TEK: variants seen among roughly 807,000 people sequenced by gnomAD.
TEK encodes TEK receptor tyrosine kinase.
A neutral mutation model predicts 131.8 loss-of-function variants in TEK; 43 were observed. The observed-to-expected ratio is 0.33, with a 90% CI of 0.26 to 0.42. TEK has a LOEUF of 0.42. Ranked by LOEUF, TEK falls within the 10% of genes least tolerant of loss-of-function variation. The pLI, the probability that TEK is intolerant of heterozygous loss-of-function variation, is 1.00. For missense variants in TEK, 1,162 were observed against 1,384.4 expected, an observed-to-expected ratio of 0.84 and a Z score of 2.55; for synonymous variants, 580 against 491.6, an observed-to-expected ratio of 1.18 and a Z score of -2.38.
intron 7 of TEK, 152 bp downstream of exon 7, chr9:27,180,520 C>A: frequency 8.4e-7 from 1 of 1,191,500 alleles, no homozygotes; most frequent in Non-Finnish European, 1.2e-6. Context: ...TCCTAAAGCA[C>A]AGCATTTTAA....
At chr9:27,134,577 G>C (rs1434239050) in intron 1 of TEK, among the ~76,000 whole-genome samples, 1 of 152,054 alleles carries the variant, frequency 6.6e-6, no homozygotes, top group African/African-American at 2.4e-5. Flanking sequence ...GAAGCCTAGG[G>C]CTCTTGCTGA....
In TEK at chr9:27,229,347, T is replaced by A. The variant is rs1020796481; in HGVS notation, c.*115T>A. ...GTGATATATAAGTGTACATATGTGC[T>A]GTACACCTGGGACCTTCACCACTGT... On this transcript the variant is annotated 3_prime_UTR_variant, in exon 23 of 23. Transcript: ENST00000380036. 1 of 1,014,366 alleles carries A rather than the reference T, an allele frequency of 9.9e-7. No individual in the cohort carries two copies. Among genetic ancestry groups the A allele is most frequent in the African/African-American group, 1.6e-5 (1 of 63,318 alleles). The allele number at this position is 1,014,366 out of a possible 1,614,324, so 62.8% of individuals were successfully genotyped here.
intron 1 of TEK, among the ~76,000 whole-genome samples, chr9:27,136,621 G>GT (rs1822453707): frequency 6.6e-6 from 1 of 152,148 alleles, no homozygotes; most frequent in Non-Finnish European, 1.5e-5. Context: ...ACATACATTT[G>GT]TGAGTATTGT....
chr9:27,212,132 C>T (rs941073408), intron 16 of TEK, among the ~76,000 whole-genome samples: 6 of 152,012 alleles, frequency 3.9e-5, no homozygotes, highest in Non-Finnish European at 7.4e-5. Flanking sequence ...ATCTTTGAAA[C>T]TAACCTCTGG....
intron 8 of TEK, among the ~76,000 whole-genome samples, chr9:27,184,909 A>T (rs1824539995): frequency 6.6e-6 from 1 of 152,098 alleles, no homozygotes; most frequent in South Asian, 2.1e-4. Flanking sequence ...ACATGGTGGC[A>T]TATACCTGTA....
chr9:27,175,279 T>C (rs1824122317), intron 6 of TEK, among the ~76,000 whole-genome samples: 1 of 151,186 alleles, frequency 6.6e-6, no homozygotes, highest in Non-Finnish European at 1.5e-5. Context: ...AGAATGATGA[T>C]TTCCAATTTC....
In TEK at chr9:27,228,156, G is replaced by A. The variant is rs146116609; in HGVS notation, c.3201-50G>A. ...CTCCTCTCTTTTCCTGCCGTGCCTA[G>A]GACTGAAGCACAGTTATAGAATTAA... On this transcript the variant is annotated intron_variant, in intron 21 of 22. Coordinates refer to ENST00000380036, the MANE Select transcript of TEK (RefSeq NM_000459.5). 3,532 of 1,483,558 alleles carry A rather than the reference G, an allele frequency of 2.4e-3. 4 individuals are homozygous for A. Among genetic ancestry groups the A allele is most frequent in the Non-Finnish European group, 3.1e-3 (3,285 of 1,063,926 alleles). The allele number at this position is 1,483,558 out of a possible 1,614,324, so 91.9% of individuals were successfully genotyped here.
At chr9:27,155,065 C>T (rs547717398) in intron 1 of TEK, among the ~76,000 whole-genome samples, 50 of 152,316 alleles carry the variant, frequency 3.3e-4, no homozygotes, top group Non-Finnish European at 3.1e-4. Context: ...TTGACTGGCC[C>T]TAGAAATGGG....
chr9:27,166,912 A>G (rs1272455309), intron 2 of TEK, among the ~76,000 whole-genome samples: 5 of 151,852 alleles, frequency 3.3e-5, no homozygotes, highest in African/African-American at 1.2e-4. Flanking sequence ...TTCTCATTTT[A>G]TGTCTTTTGT....
intron 14 of TEK, among the ~76,000 whole-genome samples, chr9:27,205,285 C>T (rs1190580570): frequency 6.6e-6 from 1 of 152,102 alleles, no homozygotes; most frequent in Non-Finnish European, 1.5e-5. Context: ...AAAGGGTGCT[C>T]TTAGTAAATT....
chr9:27,136,109 T>G, intron 1 of TEK, among the ~76,000 whole-genome samples: 1 of 128,938 alleles, frequency 7.8e-6, no homozygotes, highest in African/African-American at 2.8e-5. Flanking sequence ...TGAGATGGAG[T>G]CTCGCTCTGT....
At position 27,229,694 on chromosome 9, in the gene TEK, T is replaced by C. The variant is rs1428481647; in HGVS notation, c.*462T>C. On this transcript the variant is annotated 3_prime_UTR_variant, in exon 23 of 23. Coordinates refer to ENST00000380036, the MANE Select transcript of TEK (RefSeq NM_000459.5). ...AGAGAACTATATGAATTCTAACAAGTCATAGGTTAATATTTAAGACACTGA... is the reference window on the plus strand; with the variant it reads ...AGAGAACTATATGAATTCTAACAAGCCATAGGTTAATATTTAAGACACTGA... 4 of 177,368 alleles carry C rather than the reference T, an allele frequency of 2.3e-5. No individual in the cohort carries two copies. In the East Asian group the frequency reaches 5.4e-4, roughly 24 times the overall value. The allele number at this position is 177,368 out of a possible 1,614,324, so 11.0% of individuals were successfully genotyped here.
chr9:27,195,443 T>C (rs900841395), intron 11 of TEK, among the ~76,000 whole-genome samples: 1 of 152,224 alleles, frequency 6.6e-6, no homozygotes, highest in African/African-American at 2.4e-5. Context: ...ACCACAGATA[T>C]GCTCTATATC....
intron 12 of TEK, 138 bp downstream of exon 12, chr9:27,197,737 A>C (rs1009173716): frequency 1.3e-5 from 14 of 1,054,216 alleles, no homozygotes; most frequent in African/African-American, 4.8e-5. Context: ...AGTGCCCCCC[A>C]CCTAATCATT....
chr9:27,149,636 C>T (rs1823051832), intron 1 of TEK, among the ~76,000 whole-genome samples: 1 of 152,178 alleles, frequency 6.6e-6, no homozygotes, highest in Non-Finnish European at 1.5e-5. Flanking sequence ...GCAATTCTTG[C>T]TTATTCTCCT....
At chr9:27,160,998 C>T (rs1475638081) in intron 2 of TEK, among the ~76,000 whole-genome samples, 3 of 152,170 alleles carry the variant, frequency 2.0e-5, no homozygotes, top group East Asian at 1.9e-4. Flanking sequence ...AGATTATGCC[C>T]CAGTCATTTC....
intron 1 of TEK, among the ~76,000 whole-genome samples, chr9:27,142,665 A>G (rs1303708614): frequency 6.6e-6 from 1 of 152,250 alleles, no homozygotes; most frequent in Non-Finnish European, 1.5e-5. Context: ...ACTAAGGCAA[A>G]GGGGTTCCCA....
intron 1 of TEK, among the ~76,000 whole-genome samples, chr9:27,152,018 T>C (rs1251160727): frequency 6.6e-6 from 1 of 152,222 alleles, no homozygotes; most frequent in Non-Finnish European, 1.5e-5. Flanking sequence ...CATTGCCAGT[T>C]CCCTGATTTC....
At chr9:27,169,720 C>T in intron 4 of TEK, 91 bp downstream of exon 4, 1 of 1,577,994 alleles carries the variant, frequency 6.3e-7, no homozygotes, top group Non-Finnish European at 8.6e-7. Flanking sequence ...ACCATGGCTT[C>T]TTAAGCAAAA....
Sources: gnomAD v4.1 joint callset for allele counts (sites outside exome capture counted in the v4.1 genomes callset) on GRCh38, gnomAD v4.1.1 for gene constraint, MANE v1.5 for transcripts, NCBI Gene and HGNC (gene_info 2026-07-23, HGNC 2026-07-21) for gene names.